The following DNM2 variants were observed in gnomAD, a reference collection of about 807,000 sequenced individuals.
DNM2 encodes the protein dynamin-2.
DNM2 carries 15 observed loss-of-function variants against 99.0 expected under a neutral mutation model. The ratio of observed to expected loss-of-function variants is 0.15; its 90% CI spans 0.10 to 0.23. The LOEUF is 0.23. Among genes scored for constraint, DNM2 ranks in the 10% least tolerant of loss-of-function variants. The pLI is 1.00. For synonymous variants in DNM2, 525 were observed against 481.2 expected, an observed-to-expected ratio of 1.09 and a Z score of -1.19; for missense variants, 742 against 1,189.4, an observed-to-expected ratio of 0.62 and a Z score of 5.53.
chr19:10,750,228 C>T (rs936266814), intron 1 of DNM2, among the ~76,000 whole-genome samples: 3 of 152,090 alleles, frequency 2.0e-5, no homozygotes, highest in African/African-American at 4.8e-5. Flanking sequence ...CCTGTAATCC[C>T]GGTGCTTTGG....
intron 1 of DNM2, among the ~76,000 whole-genome samples, chr19:10,751,429 G>A (rs781192186): frequency 5.3e-5 from 8 of 152,152 alleles, no homozygotes; most frequent in African/African-American, 1.4e-4. Context: ...GATGACGGAG[G>A]CTGGAAAGTC....
chr19:10,811,536 C>T lies in DNM2; in HGVS notation c.1558-728C>T, dbSNP rs531838777. On this transcript the variant is annotated intron_variant, in intron 14 of 20. Coordinates refer to ENST00000389253, the MANE Select transcript of DNM2 (RefSeq NM_001005361.3). The surrounding 1 kb of genome is among the most constrained non-coding windows in gnomAD (Gnocchi z 5.4). Reference sequence around the variant, plus strand: ...TGCCTGGGTCCCAGGCCGCCCTGTGCGTGCCTCCGTGTGCTTCCTGCAGCT... The same window carrying T: ...TGCCTGGGTCCCAGGCCGCCCTGTGTGTGCCTCCGTGTGCTTCCTGCAGCT... 4.6e-5 allele frequency: 17 copies of T among 372,256 alleles called. No homozygotes were observed. In the East Asian group the frequency reaches 1.1e-3, roughly 24 times the overall value. 23.1% of individuals were successfully genotyped at this position (372,256 alleles called of 1,614,324 possible).
At chr19:10,734,598 C>T (rs74548949) in intron 1 of DNM2, among the ~76,000 whole-genome samples, 11,530 of 138,442 alleles carry the variant, frequency 0.083, 750 homozygotes, top group East Asian at 0.37. Context: ...ATGATTGCAC[C>T]ATTGCACACC....
chr19:10,747,162 C>A (rs879299278), intron 1 of DNM2, among the ~76,000 whole-genome samples: 4 of 151,868 alleles, frequency 2.6e-5, no homozygotes, highest in Non-Finnish European at 4.4e-5. Flanking sequence ...CCACTGTGCT[C>A]AGCCTGAGTT....
At position 10,786,679 on chromosome 19, in the gene DNM2, C is replaced by G. The variant is rs772110489; in HGVS notation, c.965C>G (p.Pro322Arg). The G allele has an allele frequency of 1.9e-6, 3 of 1,614,172 alleles. No homozygotes were observed. In the South Asian group the frequency reaches 3.3e-5, roughly 18 times the overall value. The change falls in exon 7 of 21, where the codon CCC (proline) becomes CGC (arginine). Residue 322 changes from proline to arginine, a missense_variant. Around this residue, in one of 7 missense-constraint regions of DNM2, gnomAD observed 44 missense variants for 41.3 expected, o/e 1.06. Coordinates refer to ENST00000389253, the MANE Select transcript of DNM2 (RefSeq NM_001005361.3). Reference sequence around the variant, plus strand: ...TACAAGAACTTTCGGCCCGACGACCCCACCCGCAAAACCAAAGCCCTGCTG... The same window carrying G: ...TACAAGAACTTTCGGCCCGACGACCGCACCCGCAAAACCAAAGCCCTGCTG... Reference protein sequence around the residue: ...EEYKNFRPDDPTRKTKALLQM... With the variant: ...EEYKNFRPDDRTRKTKALLQM...
chr19:10,774,237 C>T (rs940043702), intron 3 of DNM2, among the ~76,000 whole-genome samples: 2 of 152,062 alleles, frequency 1.3e-5, no homozygotes, highest in African/African-American at 4.8e-5. Context: ...CCCAGGAAGT[C>T]GAGGTTGCAG....
Position 10,795,190 on chromosome 19 carries a change from A to C in DNM2, c.1129-182A>C, listed in dbSNP as rs1390226665. On this transcript the variant is annotated intron_variant, in intron 8 of 20. Transcript: ENST00000389253. This position sits in a 1 kb window ranked among gnomAD's most constrained non-coding sequence, Gnocchi z 4.2. ...CCTGCCTTGGCCTCCCAAAGTGCTG[A>C]GATTACAGGTGTGAGCCACTGTATC... is the stretch of plus-strand genomic sequence containing the variant. 6.6e-6 allele frequency among the ~76,000 whole-genome samples: 1 copy of C among 152,202 alleles called. No individual in the cohort carries two copies. Among genetic ancestry groups the C allele is most frequent in the Non-Finnish European group, 1.5e-5 (1 of 68,052 alleles).
At position 10,816,611 on chromosome 19, in the gene DNM2, G is replaced by T. The variant is rs933217439; in HGVS notation, c.1672-3369G>T. On this transcript the variant is annotated intron_variant, in intron 15 of 20. Transcript: ENST00000389253. The surrounding 1 kb of genome is among the most constrained non-coding windows in gnomAD (Gnocchi z 4.6). The stretch of plus-strand genomic sequence containing the variant: ...CTTTCTCTTTTTCTCCCCTCTTTCC[G>T]CCTTGCAGTGAGAAACCAGCCTGCG... Among the ~76,000 whole-genome samples, 2 of 152,208 alleles carry T rather than the reference G, an allele frequency of 1.3e-5. No individual in the cohort carries two copies. The highest frequency in any genetic ancestry group is 4.1e-4 in the South Asian group (2 of 4,824).
intron 15 of DNM2, among the ~76,000 whole-genome samples, chr19:10,814,860 A>C (rs1181008044): frequency 6.6e-6 from 1 of 152,154 alleles, no homozygotes; most frequent in East Asian, 1.9e-4. Flanking sequence ...TGACGTAACC[A>C]TGGCTTAGTG....
At chr19:10,791,899 C>A (rs1354333922) in intron 7 of DNM2, among the ~76,000 whole-genome samples, 1 of 152,094 alleles carries the variant, frequency 6.6e-6, no homozygotes, top group Non-Finnish European at 1.5e-5. Flanking sequence ...ACCAGCCTGG[C>A]CAACATGCCG....
Position 10,829,224 on chromosome 19 carries a change from C to T in DNM2, c.2247C>T (p.Pro749=). 1 of 1,613,992 alleles carries T rather than the reference C, an allele frequency of 6.2e-7. No individual in the cohort carries two copies. Among genetic ancestry groups the T allele is most frequent in the South Asian group, 1.1e-5 (1 of 91,090 alleles). ...CCAGCACTGTGTCCACGCCTGTACCCCCGCCTGTCGATGACACCTGGCTCC... is the reference window on the plus strand; with the variant it reads ...CCAGCACTGTGTCCACGCCTGTACCTCCGCCTGTCGATGACACCTGGCTCC... ...ISTSTVSTPV[P]PPVDDTWLQS... Residue 749 remains proline (P), a synonymous_variant, in exon 19 of 21, where the codon CCC becomes CCT. Transcript: ENST00000389253.
At chr19:10,740,769 GTTTTCA>G (rs1483831092) in intron 1 of DNM2, among the ~76,000 whole-genome samples, 4 of 152,074 alleles carry the variant, frequency 2.6e-5, no homozygotes, top group Non-Finnish European at 5.9e-5. Flanking sequence ...GATATGTTGT[GTTTTCA>G]TTTTCATTTA....
At chr19:10,758,202 G>A (rs1050818222) in intron 1 of DNM2, among the ~76,000 whole-genome samples, 9 of 151,930 alleles carry the variant, frequency 5.9e-5, no homozygotes, top group Non-Finnish European at 1.3e-4. Context: ...GGGTGGTTGT[G>A]CCTGAGTCTT....
chr19:10,777,788 T>A (rs2071203353), intron 5 of DNM2, among the ~76,000 whole-genome samples: 13 of 151,862 alleles, frequency 8.6e-5, no homozygotes, highest in Admixed American at 8.6e-4. Context: ...AGAGACGGGG[T>A]TTCACTGTGT....
At chr19:10,744,636 T>A (rs1390855682) in intron 1 of DNM2, among the ~76,000 whole-genome samples, 2 of 152,114 alleles carry the variant, frequency 1.3e-5, no homozygotes, top group African/African-American at 4.8e-5. Flanking sequence ...TGGAAATCCA[T>A]ACATGGCTGA....
Position 10,831,095 on chromosome 19 carries a change from C to T in DNM2, c.*48C>T. The T allele has an allele frequency of 2.6e-6, 4 of 1,551,752 alleles. No individual in the cohort carries two copies. Among genetic ancestry groups the T allele is most frequent in the Non-Finnish European group, 3.5e-6 (4 of 1,148,546 alleles). On this transcript the variant is annotated 3_prime_UTR_variant, in exon 21 of 21. Coordinates refer to ENST00000389253, the MANE Select transcript of DNM2 (RefSeq NM_001005361.3). The surrounding 1 kb of genome is among the most constrained non-coding windows in gnomAD (Gnocchi z 4.3). Reference sequence around the variant, plus strand: ...GGGGGGGCCTCACGCACCCGCGGCGCAGGAGCTTCAGTGGTCTGGGGCCCT... The same window carrying T: ...GGGGGGGCCTCACGCACCCGCGGCGTAGGAGCTTCAGTGGTCTGGGGCCCT...
chr19:10,724,592 G>A lies in DNM2; in HGVS notation c.161+6189G>A, dbSNP rs34604469. On this transcript the variant is annotated intron_variant, in intron 1 of 20. Transcript: ENST00000389253. ...ATCCAGTGCAAAGGTCCTGATGTGG[G>A]AGGATGCCCGGAGGCCAGTTTAGCA... 5.1e-3 allele frequency among the ~76,000 whole-genome samples: 783 copies of A among 152,310 alleles called. 2 individuals are homozygous for A. The highest frequency in any genetic ancestry group is 8.4e-3 in the Non-Finnish European group (572 of 68,036).
In DNM2 at chr19:10,831,692, C is replaced by A; in HGVS notation, c.*645C>A. 1.0e-6 allele frequency: 1 copy of A among 986,234 alleles called. No homozygotes were observed. The highest frequency in any genetic ancestry group is 1.2e-6 in the Non-Finnish European group (1 of 830,276). 61.1% of individuals were successfully genotyped at this position (986,234 alleles called of 1,614,324 possible). Reference sequence around the variant, plus strand: ...TCCTCTCCTCCTCCTCCTCCTGGGTCCCCCAGGGTGGCTGGGCTTGGGCTA... The same window carrying A: ...TCCTCTCCTCCTCCTCCTCCTGGGTACCCCAGGGTGGCTGGGCTTGGGCTA... On this transcript the variant is annotated 3_prime_UTR_variant, in exon 21 of 21. Coordinates refer to ENST00000389253, the MANE Select transcript of DNM2 (RefSeq NM_001005361.3). The surrounding 1 kb of genome is among the most constrained non-coding windows in gnomAD (Gnocchi z 4.3).
chr19:10,771,858 A>G (rs2070991582), intron 2 of DNM2, among the ~76,000 whole-genome samples: 1 of 151,714 alleles, frequency 6.6e-6, no homozygotes. Context: ...TTTTTGGGGG[A>G]GGGGGATTCA....
Sources: allele counts gnomAD v4.1 joint callset (sites outside exome capture counted in the v4.1 genomes callset), GRCh38; gene constraint gnomAD v4.1.1; regional missense constraint gnomAD v4.1.1; non-coding constraint Gnocchi (gnomAD v3.1); transcripts MANE v1.5; gene names NCBI Gene and HGNC (gene_info 2026-07-23, HGNC 2026-07-21).